The following SPOCK3 variants were observed in gnomAD, a reference collection of about 807,000 sequenced individuals.
SPOCK3 encodes testican-3.
Under a neutral mutation model 56.6 loss-of-function variants are expected in SPOCK3, and 30 were observed. The observed-to-expected ratio is 0.53, with a 90% confidence interval of 0.40 to 0.72. The LOEUF (loss-of-function observed/expected upper bound fraction) is 0.72, where lower values mean the gene tolerates loss of function less well. Ranked by LOEUF, SPOCK3 falls within the 30% of genes least tolerant of loss-of-function variation. SPOCK3 has a pLI of 0.00. For missense variants in SPOCK3, 527 were observed against 530.0 expected (o/e 0.99, Z 0.06); for synonymous variants, 196 against 183.3 (o/e 1.07, Z -0.56).
intron 6 of SPOCK3, among the ~76,000 whole-genome samples, chr4:166,834,684 G>A (rs1476983957): frequency 6.6e-6 from 1 of 152,088 alleles, no homozygotes; most frequent in Non-Finnish European, 1.5e-5. Flanking sequence ...CAAACAAATT[G>A]AACAAAAATA....
chr4:166,977,130 T>A, intron 4 of SPOCK3, among the ~76,000 whole-genome samples: 1 of 152,066 alleles, frequency 6.6e-6, no homozygotes, highest in East Asian at 1.9e-4. Flanking sequence ...CAATTAAATG[T>A]GGATTACTTT....
intron 5 of SPOCK3, among the ~76,000 whole-genome samples, chr4:166,897,453 G>C (rs1259674982): frequency 6.6e-6 from 1 of 152,116 alleles, no homozygotes; most frequent in African/African-American, 2.4e-5. Flanking sequence ...ATGAGCAAAG[G>C]TTGGGTGGGA....
chr4:166,817,971 C>T (rs752411056), intron 6 of SPOCK3, among the ~76,000 whole-genome samples: 11 of 151,842 alleles, frequency 7.2e-5, no homozygotes, highest in Non-Finnish European at 1.3e-4. Flanking sequence ...TATCAGTAAC[C>T]GTATGACTTA....
At chr4:166,979,888 G>C (rs1013142900) in intron 4 of SPOCK3, among the ~76,000 whole-genome samples, 2 of 152,162 alleles carry the variant, frequency 1.3e-5, no homozygotes, top group African/African-American at 4.8e-5. Flanking sequence ...TACCACATGA[G>C]CTTTTTAAAT....
chr4:167,214,051 G>A (rs1023725205), intron 2 of SPOCK3, among the ~76,000 whole-genome samples: 2 of 151,996 alleles, frequency 1.3e-5, no homozygotes, highest in Non-Finnish European at 2.9e-5. Context: ...ACCAAATTAC[G>A]TTCTCAAAGG....
At chr4:167,124,960 A>G (rs1282429524) in intron 2 of SPOCK3, among the ~76,000 whole-genome samples, 1 of 152,082 alleles carries the variant, frequency 6.6e-6, no homozygotes, top group East Asian at 1.9e-4. Flanking sequence ...CAATATCTGC[A>G]TGGCTGCTTT....
In SPOCK3 at chr4:166,807,638, C is replaced by A. The variant is rs1248620987; in HGVS notation, c.590-15349G>T. On this transcript the variant is annotated intron_variant, in intron 6 of 10. Coordinates refer to ENST00000357545, the MANE Select transcript of SPOCK3 (RefSeq NM_001040159.2). The stretch of plus-strand genomic sequence containing the variant: ...TCAACAATACCTTTTTGATTAAACT[C>A]GTTTCTGCCAGTTGCTTTTGCCAAT... 3.3e-5 allele frequency among the ~76,000 whole-genome samples: 5 copies of A among 152,124 alleles called. No individual in the cohort carries two copies. In the East Asian group the frequency reaches 9.7e-4, roughly 29 times the overall value.
At chr4:167,228,641 G>A (rs888575011) in intron 2 of SPOCK3, among the ~76,000 whole-genome samples, 11 of 152,096 alleles carry the variant, frequency 7.2e-5, no homozygotes, top group Non-Finnish European at 1.6e-4. Flanking sequence ...GTAGTAGCAG[G>A]TTTAAAAAAT....
chr4:167,209,184 T>C (rs1203431823), intron 2 of SPOCK3, among the ~76,000 whole-genome samples: 3 of 152,156 alleles, frequency 2.0e-5, no homozygotes, highest in Admixed American at 2.0e-4. Context: ...GGACTGGGGT[T>C]CCTGTATTGG....
At chr4:166,982,342 C>T (rs2703840) in intron 4 of SPOCK3, among the ~76,000 whole-genome samples, 127,547 of 152,222 alleles carry the variant, frequency 0.84, 54,040 homozygotes, top group East Asian at 0.94. Context: ...CCATCATTTA[C>T]GTAGAAAAAT....
intron 4 of SPOCK3, among the ~76,000 whole-genome samples, chr4:166,953,827 T>G (rs1743031546): frequency 9.4e-6 from 1 of 106,030 alleles, no homozygotes; most frequent in Non-Finnish European, 2.3e-5. Context: ...CAGTAAACTA[T>G]CGTAAGAACA....
intron 2 of SPOCK3, among the ~76,000 whole-genome samples, chr4:167,110,661 C>T (rs1392687108): frequency 1.3e-5 from 2 of 151,818 alleles, no homozygotes; most frequent in Non-Finnish European, 2.9e-5. Context: ...CCATTGAACC[C>T]CTATTATGAG....
intron 3 of SPOCK3, among the ~76,000 whole-genome samples, chr4:167,000,801 T>C (rs940925531): frequency 6.6e-5 from 10 of 152,176 alleles, no homozygotes; most frequent in Non-Finnish European, 1.5e-4. Context: ...GTTACTGAAG[T>C]ATTTTATGAC....
intron 5 of SPOCK3, among the ~76,000 whole-genome samples, chr4:166,892,518 TA>T (rs1734887555): frequency 6.6e-6 from 1 of 152,066 alleles, no homozygotes; most frequent in Non-Finnish European, 1.5e-5. Flanking sequence ...TAAAAAATGC[TA>T]CTTTAAAATA....
intron 2 of SPOCK3, among the ~76,000 whole-genome samples, chr4:167,226,801 A>G (rs1736641548): frequency 6.6e-6 from 1 of 152,042 alleles, no homozygotes; most frequent in African/African-American, 2.4e-5. Context: ...TGCTTGAGGG[A>G]GTAACCCTGA....
intron 8 of SPOCK3, among the ~76,000 whole-genome samples, chr4:166,744,947 A>G (rs529099346): frequency 1.1e-3 from 161 of 152,288 alleles, no homozygotes; most frequent in Admixed American, 1.8e-3. Flanking sequence ...AAAAAAAAGT[A>G]AAAATAAACG....
chr4:167,031,508 C>G (rs1752270859), intron 3 of SPOCK3, among the ~76,000 whole-genome samples: 1 of 151,894 alleles, frequency 6.6e-6, no homozygotes, highest in African/African-American at 2.4e-5. Context: ...ATAAATGGCT[C>G]ACTTACAAGA....
At position 166,735,139 on chromosome 4, in the gene SPOCK3, C is replaced by A; in HGVS notation, c.1133-49G>T. ...TAACCTTTATTTGACTGAATACTGT[C>A]AATTTCTGCAAGATAAAATCCTTAT... On this transcript the variant is annotated intron_variant, in intron 10 of 10. Transcript: ENST00000357545. 2.9e-6 allele frequency: 3 copies of A among 1,050,944 alleles called. No individual in the cohort carries two copies. The South Asian group carries it at 4.9e-5, about 17-fold the overall frequency. The allele number at this position is 1,050,944 out of a possible 1,614,324, so 65.1% of individuals were successfully genotyped here. A position where few individuals can be genotyped will look rare whatever the true frequency, so the allele number is the denominator to read the frequency against.
At chr4:167,055,732 C>T (rs774918206) in intron 3 of SPOCK3, among the ~76,000 whole-genome samples, 25 of 152,190 alleles carry the variant, frequency 1.6e-4, no homozygotes, top group Non-Finnish European at 3.2e-4. Flanking sequence ...AACTGCAAGG[C>T]TGCAGCGAGG....
Sources: allele counts gnomAD v4.1 joint callset (sites outside exome capture counted in the v4.1 genomes callset), GRCh38; gene constraint gnomAD v4.1.1; transcripts MANE v1.5; gene names NCBI Gene and HGNC (gene_info 2026-07-23, HGNC 2026-07-21).